The following FARS2 variants were observed in gnomAD, a reference collection of about 807,000 sequenced individuals.
FARS2 encodes the protein phenylalanyl-tRNA synthetase 2, mitochondrial, also known as phenylalanine--tRNA ligase, mitochondrial.
FARS2 carries 40 observed loss-of-function variants against 46.4 expected under a neutral mutation model. The ratio of observed to expected loss-of-function variants is 0.86; its 90% confidence interval spans 0.67 to 1.12. The LOEUF (loss-of-function observed/expected upper bound fraction) is 1.12. Among genes scored for constraint, FARS2 ranks in the 50% most tolerant of loss-of-function variants. The pLI, the probability that FARS2 is intolerant of heterozygous loss-of-function variation, is 0.00. For missense variants in FARS2, 513 were observed against 567.9 expected (o/e 0.90, Z 0.98); for synonymous variants, 234 against 214.9 (o/e 1.09, Z -0.78).
intron 6 of FARS2, among the ~76,000 whole-genome samples, chr6:5,729,885 T>A (rs1171132038): frequency 6.6e-6 from 1 of 152,228 alleles, no homozygotes; most frequent in East Asian, 1.9e-4. Flanking sequence ...AGATTATTCT[T>A]TATCATGGGG....
upstream of FARS2, among the ~76,000 whole-genome samples, chr6:5,256,348 G>T (rs1764665741): frequency 6.6e-6 from 1 of 151,744 alleles, no homozygotes; most frequent in Non-Finnish European, 1.5e-5. Flanking sequence ...AAATTAGCCA[G>T]GCGTAGTGGC....
At chr6:5,459,605 A>AGAAT in intron 4 of FARS2, among the ~76,000 whole-genome samples, 1 of 152,242 alleles carries the variant, frequency 6.6e-6, no homozygotes, top group East Asian at 1.9e-4. Context: ...CTTTGGCCTT[A>AGAAT]GAATGATGCA....
intron 6 of FARS2, among the ~76,000 whole-genome samples, chr6:5,694,238 G>A (rs937778592): frequency 6.6e-6 from 1 of 152,192 alleles, no homozygotes. Flanking sequence ...TGTATGCTAG[G>A]CCTGGTACCT....
At chr6:5,581,204 C>G (rs1423970591) in intron 5 of FARS2, among the ~76,000 whole-genome samples, 1 of 152,200 alleles carries the variant, frequency 6.6e-6, no homozygotes, top group Admixed American at 6.5e-5. Flanking sequence ...ATGGCTCCTG[C>G]CTTAGCACCG....
At position 5,500,933 on chromosome 6, in the gene FARS2, C is replaced by CGAGA. The variant is rs58128430; in HGVS notation, c.905-44212_905-44209dup. Among the ~76,000 whole-genome samples, 756 of 143,646 alleles carry CGAGA rather than the reference C, an allele frequency of 5.3e-3. 5 individuals are homozygous for CGAGA. The highest frequency in any genetic ancestry group is 0.011 in the South Asian group (44 of 4,128). 94.2% of individuals were successfully genotyped at this position (143,646 alleles called of 152,430 possible). A position where few individuals can be genotyped will look rare whatever the true frequency, so the allele number is the denominator to read the frequency against. ...ACATTCCAGTCAAGCTTCAAATCCC[C>CGAGA]GAGAGAGAGAGAGAGAGAGAGAGAG... On this transcript the variant is annotated intron_variant, in intron 4 of 6. Transcript: ENST00000274680.
In FARS2 at chr6:5,737,811, G is replaced by A. The variant is rs112505259; in HGVS notation, c.1218-33480G>A. Among the ~76,000 whole-genome samples, 621 of 152,290 alleles carry A rather than the reference G, an allele frequency of 4.1e-3. 7 individuals are homozygous for A. The highest frequency in any genetic ancestry group is 0.014 in the African/African-American group (596 of 41,550). On this transcript the variant is annotated intron_variant, in intron 6 of 6. Coordinates refer to ENST00000274680, the MANE Select transcript of FARS2 (RefSeq NM_006567.5). ...CATTGCTGATAGGAGGACTGGAGAGGGAGCAGCCATCTTGCAACCCATGAA... is the reference window on the plus strand; with the variant it reads ...CATTGCTGATAGGAGGACTGGAGAGAGAGCAGCCATCTTGCAACCCATGAA...
At chr6:5,550,339 C>G (rs983227604) in intron 5 of FARS2, among the ~76,000 whole-genome samples, 1 of 152,132 alleles carries the variant, frequency 6.6e-6, no homozygotes, top group African/African-American at 2.4e-5. Context: ...CCAGTGGTGC[C>G]ATCACGGCTC....
chr6:5,334,084 T>C (rs761441096), intron 1 of FARS2, among the ~76,000 whole-genome samples: 19 of 152,216 alleles, frequency 1.2e-4, no homozygotes, highest in Non-Finnish European at 2.6e-4. Flanking sequence ...TTTAAAATGT[T>C]TGTGGTCAGG....
intron 1 of FARS2, among the ~76,000 whole-genome samples, chr6:5,362,892 C>A (rs1027055972): frequency 6.8e-6 from 1 of 146,744 alleles, no homozygotes; most frequent in Non-Finnish European, 1.5e-5. Flanking sequence ...TTTCAGAAAT[C>A]TTTATTCAGA....
chr6:5,725,404 A>T (rs1397520442), intron 6 of FARS2, among the ~76,000 whole-genome samples: 2 of 152,112 alleles, frequency 1.3e-5, no homozygotes, highest in African/African-American at 2.4e-5. Flanking sequence ...CAGGGAGGGA[A>T]GTTAGGTCTG....
At chr6:5,557,967 G>A (rs1271405369) in intron 5 of FARS2, among the ~76,000 whole-genome samples, 1 of 152,048 alleles carries the variant, frequency 6.6e-6, no homozygotes. Context: ...AAAGGAAAAG[G>A]GCTGAAATAC....
At chr6:5,635,635 T>C (rs1049758198) in intron 6 of FARS2, among the ~76,000 whole-genome samples, 1 of 152,126 alleles carries the variant, frequency 6.6e-6, no homozygotes, top group Non-Finnish European at 1.5e-5. Flanking sequence ...GGACGCCCCA[T>C]GTAGAAAATG....
At chr6:5,693,619 G>A (rs1757909276) in intron 6 of FARS2, among the ~76,000 whole-genome samples, 1 of 152,154 alleles carries the variant, frequency 6.6e-6, no homozygotes, top group Non-Finnish European at 1.5e-5. Context: ...GTGACATAAA[G>A]CACTGATTTT....
At chr6:5,634,293 T>G (rs1333942047) in intron 6 of FARS2, among the ~76,000 whole-genome samples, 1 of 152,140 alleles carries the variant, frequency 6.6e-6, no homozygotes, top group Non-Finnish European at 1.5e-5. Context: ...AACCAATTAT[T>G]TTGCTCAATT....
At chr6:5,307,470 A>AT (rs1282686897) in intron 1 of FARS2, among the ~76,000 whole-genome samples, 1 of 152,186 alleles carries the variant, frequency 6.6e-6, no homozygotes, top group Non-Finnish European at 1.5e-5. Context: ...TCTATGAGGC[A>AT]TTTTGATATT....
At chr6:5,685,035 C>T (rs773741262) in intron 6 of FARS2, among the ~76,000 whole-genome samples, 30 of 152,066 alleles carry the variant, frequency 2.0e-4, no homozygotes, top group Admixed American at 1.9e-3. Context: ...CCCTAAACAC[C>T]GTGGAACCCA....
chr6:5,722,662 A>G (rs1052816937), intron 6 of FARS2, among the ~76,000 whole-genome samples: 2 of 152,172 alleles, frequency 1.3e-5, no homozygotes, highest in African/African-American at 4.8e-5. Context: ...TGAGGCTGTC[A>G]AGGGCTACAC....
At chr6:5,593,690 GGGA>G (rs1388810076) in intron 5 of FARS2, among the ~76,000 whole-genome samples, 1 of 152,140 alleles carries the variant, frequency 6.6e-6, no homozygotes, top group Non-Finnish European at 1.5e-5. Context: ...GGGTTATTTG[GGGA>G]GGAAGTTATT....
At chr6:5,442,724 C>T (rs1763912988) in intron 4 of FARS2, among the ~76,000 whole-genome samples, 2 of 152,134 alleles carry the variant, frequency 1.3e-5, no homozygotes, top group South Asian at 4.1e-4. Context: ...GGAAGTCGTA[C>T]TCTAGGATGT....
Sources: allele counts gnomAD v4.1 joint callset (sites outside exome capture counted in the v4.1 genomes callset), GRCh38; gene constraint gnomAD v4.1.1; transcripts MANE v1.5; gene names NCBI Gene and HGNC (gene_info 2026-07-23, HGNC 2026-07-21).